Variants in CASP10 observed in about 807,000 individuals in gnomAD.
The protein encoded by CASP10 is caspase 10, also known as caspase-10.
Under a neutral mutation model 48.5 loss-of-function variants are expected in CASP10, and 41 were observed. The ratio of observed to expected loss-of-function variants is 0.85; its 90% confidence interval spans 0.66 to 1.10. The LOEUF is 1.10. CASP10 is among the 50% of genes least tolerant of loss of function. The probability of loss-of-function intolerance (pLI) is 0.00; values close to 1 mark genes in which losing one functional copy is unlikely to be tolerated. For synonymous variants in CASP10, 232 were observed against 238.4 expected (o/e 0.97, Z 0.25); for missense variants, 614 against 614.5 (o/e 1.00, Z 0.01).
rs567234719 is a variant in CASP10, at chr2:201,199,598, T to G, written c.684+3650T>G. On this transcript the variant is annotated intron_variant, in intron 5 of 9. Transcript: ENST00000286186. Reference sequence around the variant, plus strand: ...TTTTTTTTTTTTTTTTTTTTGAAACTGAGTCTCACCCTGTCACCCAGGCTG... The same window carrying G: ...TTTTTTTTTTTTTTTTTTTTGAAACGGAGTCTCACCCTGTCACCCAGGCTG... Among the ~76,000 whole-genome samples the G allele has an allele frequency of 2.9e-5, 4 of 139,628 alleles. No individual in the cohort carries two copies. The Admixed American group carries it at 3.0e-4, about 10-fold the overall frequency. The allele number at this position is 139,628 out of a possible 152,430, so 91.6% of individuals were successfully genotyped here.
intron 7 of CASP10, among the ~76,000 whole-genome samples, chr2:201,207,601 A>G (rs1374847160): frequency 6.6e-6 from 1 of 152,114 alleles, no homozygotes; most frequent in Non-Finnish European, 1.5e-5. Context: ...TACTAAAAAT[A>G]CAAAAATTAC....
At chr2:201,184,802 A>T (rs1010506816) in intron 1 of CASP10, among the ~76,000 whole-genome samples, 10 of 152,204 alleles carry the variant, frequency 6.6e-5, no homozygotes, top group Non-Finnish European at 2.9e-5. Flanking sequence ...TAAACTGATC[A>T]GATGGAAACA....
chr2:201,190,786 T>G (rs1325823836), intron 3 of CASP10, among the ~76,000 whole-genome samples: 1 of 134,500 alleles, frequency 7.4e-6, no homozygotes, highest in African/African-American at 3.1e-5. Flanking sequence ...CTGGAAAATG[T>G]TTTTTTTTCT....
chr2:201,209,661 G>A lies in CASP10; in HGVS notation c.1415+99G>A, dbSNP rs1285697424. 35 of 1,276,974 alleles carry A rather than the reference G, an allele frequency of 2.7e-5. 1 individual carries two copies. Among genetic ancestry groups the A allele is most frequent in the African/African-American group, 3.0e-5 (2 of 65,936 alleles). The allele number at this position is 1,276,974 out of a possible 1,614,324, so 79.1% of individuals were successfully genotyped here. On this transcript the variant is annotated intron_variant, in intron 9 of 9. Transcript: ENST00000286186. ...CCTTTGGTAAGGGTGAGAGTTCTACGTTGTTCTATCCATGTACCTGTTCAA... is the reference window on the plus strand; with the variant it reads ...CCTTTGGTAAGGGTGAGAGTTCTACATTGTTCTATCCATGTACCTGTTCAA...
intron 3 of CASP10, among the ~76,000 whole-genome samples, chr2:201,188,066 G>T (rs1282283131): frequency 2.0e-5 from 3 of 152,138 alleles, no homozygotes; most frequent in African/African-American, 7.2e-5. Context: ...CTTCCTTCTA[G>T]GATTGTTGGG....
downstream of CASP10, among the ~76,000 whole-genome samples, chr2:201,222,773 C>T (rs761662805): frequency 7.9e-5 from 12 of 152,134 alleles, no homozygotes; most frequent in Admixed American, 2.0e-4. Flanking sequence ...CGCTGTGGTA[C>T]CGACCCAGTG....
At position 201,228,931 on chromosome 2, in the gene CASP10, A is replaced by C. The variant is rs1191593599; in HGVS notation, c.1416-2A>C. The C allele has an allele frequency of 2.5e-6, 4 of 1,614,040 alleles. No homozygotes were observed. The highest frequency in any genetic ancestry group is 2.7e-5 in the African/African-American group (2 of 75,028). The stretch of plus-strand genomic sequence containing the variant: ...CCTTTTATTTCTCTTTGTGCTCAGT[A>C]GGATGCTGAAATTTCTGGAAAAGAC... On this transcript the variant is annotated splice_acceptor_variant, in intron 9 of 9. Coordinates refer to the CASP10 transcript ENST00000272879. LOFTEE classifies it high-confidence loss of function.
chr2:201,217,241 G>T (rs1945598478), intron 9 of CASP10, among the ~76,000 whole-genome samples: 1 of 152,144 alleles, frequency 6.6e-6, no homozygotes, highest in Non-Finnish European at 1.5e-5. Flanking sequence ...CTAAGACCTG[G>T]TGTGTGGTTT....
Position 201,186,329 on chromosome 2 carries a change from C to T in CASP10, c.347+205C>T. 8.9e-6 allele frequency: 5 copies of T among 561,150 alleles called. No homozygotes were observed. The South Asian group carries it at 1.0e-4, about 11-fold the overall frequency. 34.8% of individuals were successfully genotyped at this position (561,150 alleles called of 1,614,324 possible). On this transcript the variant is annotated intron_variant, in intron 2 of 9. Coordinates refer to ENST00000286186, the MANE Select transcript of CASP10 (RefSeq NM_032977.4). ...GTCAGCAAAGCTTCAAGACCAAGCC[C>T]TGGGCCCAGAGGTGGCTTCCCTTTG...
intron 4 of CASP10, among the ~76,000 whole-genome samples, chr2:201,193,828 G>T (rs1944697743): frequency 6.6e-6 from 1 of 152,146 alleles, no homozygotes; most frequent in Non-Finnish European, 1.5e-5. Flanking sequence ...GAGTCGGATT[G>T]CCAGGACTCC....
downstream of CASP10, among the ~76,000 whole-genome samples, chr2:201,221,818 G>A (rs1945726804): frequency 6.6e-6 from 1 of 152,208 alleles, no homozygotes; most frequent in Non-Finnish European, 1.5e-5. Context: ...TCTAGAATCA[G>A]GAAACGTTGT....
chr2:201,198,326 C>T (rs745819206), intron 5 of CASP10, among the ~76,000 whole-genome samples: 10 of 150,386 alleles, frequency 6.6e-5, no homozygotes, highest in South Asian at 4.2e-4. Flanking sequence ...CAGGTTCAAG[C>T]GATTCTCCTG....
intron 6 of CASP10, among the ~76,000 whole-genome samples, chr2:201,205,024 G>A (rs910236577): frequency 3.3e-5 from 5 of 152,136 alleles, no homozygotes; most frequent in Admixed American, 6.5e-5. Context: ...CAAACTTCCT[G>A]TGAGTGGAAA....
intron 4 of CASP10, among the ~76,000 whole-genome samples, chr2:201,193,680 T>C (rs1369491796): frequency 6.6e-6 from 1 of 152,246 alleles, no homozygotes; most frequent in African/African-American, 2.4e-5. Flanking sequence ...TTGCAACTTA[T>C]ATTCCAGTGC....
intron 2 of CASP10, among the ~76,000 whole-genome samples, chr2:201,187,357 C>T (rs1304598987): frequency 6.6e-6 from 1 of 151,864 alleles, no homozygotes; most frequent in African/African-American, 2.4e-5. Flanking sequence ...CTACCAAGGG[C>T]CTGTAAAGTA....
intron 1 of CASP10, among the ~76,000 whole-genome samples, chr2:201,184,113 C>T (rs1944327537): frequency 2.0e-5 from 3 of 148,200 alleles, no homozygotes; most frequent in Admixed American, 6.6e-5. Context: ...CCAGGCTTGT[C>T]CCGAATTCCT....
chr2:201,229,118 G>A, exon 10 of CASP10: 1 of 1,613,202 alleles, frequency 6.2e-7, no homozygotes, highest in Non-Finnish European at 8.5e-7. Context: ...CTGCCTTCCA[G>A]CCACATCGCC....
Position 201,221,124 on chromosome 2 carries a change from A to C in CASP10, c.*3383A>C, listed in dbSNP as rs1945709493. On this transcript the variant is annotated 3_prime_UTR_variant, in exon 10 of 10. Transcript: ENST00000286186. ...AACTGCAACAGAAATAGCAGGACTT[A>C]AGTTCCTTTGTGCGTAATTCCAGCT... The C allele has an allele frequency of 1.0e-6, 1 of 985,330 alleles. No homozygotes were observed. The highest frequency in any genetic ancestry group is 1.7e-5 in the African/African-American group (1 of 57,230). The allele number at this position is 985,330 out of a possible 1,614,324, so 61.0% of individuals were successfully genotyped here. A position where few individuals can be genotyped will look rare whatever the true frequency, so the allele number is the denominator to read the frequency against.
intron 3 of CASP10, among the ~76,000 whole-genome samples, chr2:201,191,177 G>A (rs1944599789): frequency 6.6e-6 from 1 of 152,030 alleles, no homozygotes; most frequent in African/African-American, 2.4e-5. Context: ...TATTTTTATG[G>A]TCAGAAGCAT....
Sources: gnomAD v4.1 joint callset for allele counts (sites outside exome capture counted in the v4.1 genomes callset) on GRCh38, gnomAD v4.1.1 for gene constraint, MANE v1.5 for transcripts, NCBI Gene and HGNC (gene_info 2026-07-23, HGNC 2026-07-21) for gene names.